The following SLC60A1 variants were observed in gnomAD, a reference collection of about 807,000 sequenced individuals.
SLC60A1 encodes the protein major facilitator superfamily domain containing 4.
the SLC60A1 span, among the ~76,000 whole-genome samples, chr1:205,591,495 AAAAAAAAGG>A: frequency 3.0e-5 from 4 of 133,628 alleles, no homozygotes; most frequent in Non-Finnish European, 5.3e-5. Context: ...AAAAAAAAAA[AAAAAAAAGG>A]AAAGAAAAGA....
chr1:205,585,059 GC>G, the SLC60A1 span: 1 of 1,342,418 alleles, frequency 7.4e-7, no homozygotes, highest in Non-Finnish European at 1.1e-6. This position sits in a 1 kb window ranked among gnomAD's most constrained non-coding sequence, Gnocchi z 4.2. Flanking sequence ...TCTGGGAAAG[GC>G]AAGAGAAAGA....
the SLC60A1 span, among the ~76,000 whole-genome samples, chr1:205,582,463 C>A: frequency 9.2e-5 from 14 of 152,358 alleles, no homozygotes; most frequent in East Asian, 2.7e-3. Context: ...GGTGGGGCTG[C>A]CTTCCCTGAA....
At chr1:205,594,638 ACT>A in the SLC60A1 span, among the ~76,000 whole-genome samples, 142 of 119,178 alleles carry the variant, frequency 1.2e-3, no homozygotes, top group African/African-American at 4.5e-3. Context: ...ACAGAGCAAG[ACT>A]CTGTCTCAAA....
At chr1:205,600,559 A>C in the SLC60A1 span, 54 of 1,195,340 alleles carry the variant, frequency 4.5e-5, no homozygotes, top group Non-Finnish European at 6.3e-5. Context: ...GCGCTCTCTC[A>C]ATGGCTATTC....
At chr1:205,581,552 A>G in the SLC60A1 span, among the ~76,000 whole-genome samples, 1 of 152,170 alleles carries the variant, frequency 6.6e-6, no homozygotes, top group Non-Finnish European at 1.5e-5. This position sits in a 1 kb window ranked among gnomAD's most constrained non-coding sequence, Gnocchi z 4.2. Flanking sequence ...GTTAGCCCAG[A>G]CTGGAGCCAG....
the SLC60A1 span, chr1:205,580,772 C>T: frequency 1.1e-5 from 17 of 1,614,054 alleles, no homozygotes; most frequent in East Asian, 2.2e-5. This position sits in a 1 kb window ranked among gnomAD's most constrained non-coding sequence, Gnocchi z 5.0. Flanking sequence ...CACCACCTCC[C>T]GAGGCCACCT....
At chr1:205,593,790 T>C in the SLC60A1 span, among the ~76,000 whole-genome samples, 2 of 152,188 alleles carry the variant, frequency 1.3e-5, no homozygotes, top group Non-Finnish European at 2.9e-5. Context: ...ATAACCCTCT[T>C]AGCAGTTCAT....
At chr1:205,580,401 T>C in the SLC60A1 span, among the ~76,000 whole-genome samples, 1 of 152,150 alleles carries the variant, frequency 6.6e-6, no homozygotes, top group East Asian at 1.9e-4. The surrounding 1 kb of genome is among the most constrained non-coding windows in gnomAD (Gnocchi z 5.0). Context: ...GGGGAGGGAA[T>C]TGGGCACTGT....
chr1:205,588,696 G>T, the SLC60A1 span, among the ~76,000 whole-genome samples: 1 of 152,116 alleles, frequency 6.6e-6, no homozygotes, highest in Non-Finnish European at 1.5e-5. Flanking sequence ...GACTACTTCC[G>T]AGTATTCCTC....
At chr1:205,594,320 A>G in the SLC60A1 span, among the ~76,000 whole-genome samples, 1 of 152,232 alleles carries the variant, frequency 6.6e-6, no homozygotes, top group Non-Finnish European at 1.5e-5. Context: ...CACACAGTAC[A>G]ACTCGAGAGT....
chr1:205,578,392 G>A, the SLC60A1 span, among the ~76,000 whole-genome samples: 2 of 152,234 alleles, frequency 1.3e-5, no homozygotes, highest in African/African-American at 2.4e-5. Flanking sequence ...TCCCCATGAC[G>A]CACTCTCCCT....
chr1:205,575,625 G>T, the SLC60A1 span, among the ~76,000 whole-genome samples: 1 of 152,152 alleles, frequency 6.6e-6, no homozygotes, highest in African/African-American at 2.4e-5. Flanking sequence ...GGCTGAAGGG[G>T]GCAGCAGCAG....
chr1:205,580,793 T>G, the SLC60A1 span: 1 of 1,614,078 alleles, frequency 6.2e-7, no homozygotes, highest in Non-Finnish European at 8.5e-7. This position sits in a 1 kb window ranked among gnomAD's most constrained non-coding sequence, Gnocchi z 5.0. Context: ...GTTCCATGTC[T>G]CCAGGGTGCT....
At chr1:205,596,114 T>A in the SLC60A1 span, among the ~76,000 whole-genome samples, 1 of 151,924 alleles carries the variant, frequency 6.6e-6, no homozygotes, top group African/African-American at 2.4e-5. Context: ...AAGTCCAGAG[T>A]AGACAATGAT....
chr1:205,587,602 T>A, the SLC60A1 span, among the ~76,000 whole-genome samples: 2 of 152,170 alleles, frequency 1.3e-5, no homozygotes, highest in African/African-American at 4.8e-5. Context: ...GGTATGGGCC[T>A]GCTTATAGTA....
the SLC60A1 span, among the ~76,000 whole-genome samples, chr1:205,595,451 C>T: frequency 6.6e-6 from 1 of 152,208 alleles, no homozygotes; most frequent in East Asian, 1.9e-4. Flanking sequence ...TGTGCCTCCC[C>T]TTTGTGCCCT....
the SLC60A1 span, chr1:205,580,585 C>A: frequency 6.5e-7 from 1 of 1,550,382 alleles, no homozygotes; most frequent in Non-Finnish European, 8.7e-7. This position sits in a 1 kb window ranked among gnomAD's most constrained non-coding sequence, Gnocchi z 5.0. Context: ...GTCCTCTGGA[C>A]CGGAGGCCAG....
the SLC60A1 span, chr1:205,600,544 TGGA>T: frequency 2.1e-6 from 3 of 1,410,746 alleles, no homozygotes; most frequent in East Asian, 7.0e-5. Flanking sequence ...TGGGTGGTGG[TGGA>T]GGCGCTCTCT....
chr1:205,590,396 G>T, the SLC60A1 span, among the ~76,000 whole-genome samples: 1 of 152,246 alleles, frequency 6.6e-6, no homozygotes. Context: ...CTGCATGAAA[G>T]AAGTCTTTTG....
Sources: gnomAD v4.1 joint callset for allele counts (sites outside exome capture counted in the v4.1 genomes callset) on GRCh38, gnomAD v4.1.1 for gene constraint, Gnocchi (gnomAD v3.1) non-coding constraint, MANE v1.5 for transcripts, NCBI Gene and HGNC (gene_info 2026-07-23, HGNC 2026-07-21) for gene names.